The following PRDM6 variants were observed in gnomAD, a reference collection of about 807,000 sequenced individuals.
PRDM6 encodes the protein putative histone-lysine N-methyltransferase PRDM6.
A neutral mutation model predicts 60.8 loss-of-function variants in PRDM6; 25 were observed. The observed-to-expected ratio is 0.41, with a 90% CI of 0.30 to 0.57. The LOEUF (loss-of-function observed/expected upper bound fraction) is 0.57. PRDM6 is among the 20% of genes least tolerant of loss of function. The pLI is 0.27. For synonymous variants in PRDM6, 407 were observed against 357.4 expected (o/e 1.14, Z -1.57); for missense variants, 839 against 821.3 (o/e 1.02, Z -0.26).
At position 123,090,291 on chromosome 5, in the gene PRDM6, G is replaced by GCCTCCTCCA; in HGVS notation, c.285_286insACCTCCTCC (p.Ser95_Cys96insThrSerSer). 6.7e-7 allele frequency: 1 copy of GCCTCCTCCA among 1,489,660 alleles called. No homozygotes were observed. The highest frequency in any genetic ancestry group is 8.9e-7 in the Non-Finnish European group (1 of 1,121,420). The allele number at this position is 1,489,660 out of a possible 1,614,324, so 92.3% of individuals were successfully genotyped here. On this transcript the variant is annotated inframe_insertion, in exon 2 of 8. Transcript: ENST00000407847. ...TTCCTCTTCCACCTCCGCCTCCTCC[G>GCCTCCTCCA]CCTCCTCCTGCGCTGCTGCGGCCGC...
At chr5:123,147,108 G>T (rs554829887) in intron 3 of PRDM6, among the ~76,000 whole-genome samples, 1 of 151,886 alleles carries the variant, frequency 6.6e-6, no homozygotes, top group Non-Finnish European at 1.5e-5. Flanking sequence ...ATAAGTTTTC[G>T]CAGGATCCAA....
At chr5:123,159,768 A>G (rs1256123166) in intron 5 of PRDM6, 130 bp downstream of exon 5, 1 of 904,788 alleles carries the variant, frequency 1.1e-6, no homozygotes, top group Non-Finnish European at 1.7e-6. Flanking sequence ...ATACAAGTCT[A>G]TTCCATCGTT....
chr5:123,143,076 G>T (rs1580513984), intron 3 of PRDM6, among the ~76,000 whole-genome samples: 1 of 151,706 alleles, frequency 6.6e-6, no homozygotes, highest in Non-Finnish European at 1.5e-5. Context: ...AGTCACGGAT[G>T]TTCTCATTTC....
chr5:123,095,356 C>T (rs1048580280), intron 2 of PRDM6, among the ~76,000 whole-genome samples: 17 of 152,258 alleles, frequency 1.1e-4, no homozygotes, highest in Non-Finnish European at 1.3e-4. Flanking sequence ...CCATCGCTCC[C>T]TTTCAGCCAT....
chr5:123,156,214 G>C (rs992890794), intron 4 of PRDM6, among the ~76,000 whole-genome samples: 2 of 151,938 alleles, frequency 1.3e-5, no homozygotes, highest in Non-Finnish European at 2.9e-5. Flanking sequence ...GATTAAAAGT[G>C]CTCGTAGATG....
chr5:123,097,033 G>GA (rs992394890), intron 2 of PRDM6, among the ~76,000 whole-genome samples: 9 of 151,012 alleles, frequency 6.0e-5, no homozygotes, highest in African/African-American at 1.7e-4. Flanking sequence ...GAGTCAAGCA[G>GA]AAAAAAAAAT....
In PRDM6 at chr5:123,099,011, G is replaced by C. The variant is rs1764029940; in HGVS notation, c.593-643G>C. On this transcript the variant is annotated intron_variant, in intron 2 of 7. Transcript: ENST00000407847. This position sits in a 1 kb window ranked among gnomAD's most constrained non-coding sequence, Gnocchi z 4.0. ...GGGAGGCAGTCGAGGAAGCCTCCGA[G>C]TCTCTGGGTCGAAGGAAGTGCGAAT... is the stretch of plus-strand genomic sequence containing the variant. 6.6e-6 allele frequency among the ~76,000 whole-genome samples: 1 copy of C among 151,100 alleles called. No individual in the cohort carries two copies. The highest frequency in any genetic ancestry group is 2.4e-5 in the African/African-American group (1 of 40,978).
chr5:123,164,820 G>A (rs946428038), intron 5 of PRDM6, among the ~76,000 whole-genome samples: 12 of 152,032 alleles, frequency 7.9e-5, no homozygotes, highest in African/African-American at 2.7e-4. Context: ...CTGACATCTC[G>A]GATGAGTTGT....
intron 5 of PRDM6, among the ~76,000 whole-genome samples, chr5:123,159,953 C>A (rs867317883): frequency 2.6e-5 from 4 of 152,166 alleles, no homozygotes; most frequent in South Asian, 2.1e-4. Context: ...ATGCTTGCCA[C>A]CTTAGGGATT....
At chr5:123,089,934 G>A (rs535081962) in intron 1 of PRDM6, 66 bp from the exon 2 acceptor site, 11 of 1,231,054 alleles carry the variant, frequency 8.9e-6, no homozygotes, top group Admixed American at 2.2e-5. Context: ...CAGGGTCCCA[G>A]TGGCCCTCTT....
intron 7 of PRDM6, among the ~76,000 whole-genome samples, chr5:123,180,993 A>G (rs1207790780): frequency 6.6e-6 from 1 of 152,252 alleles, no homozygotes; most frequent in Non-Finnish European, 1.5e-5. Flanking sequence ...AGATAATGGC[A>G]TCTGAGCAAG....
intron 3 of PRDM6, among the ~76,000 whole-genome samples, chr5:123,104,328 C>T (rs10067070): frequency 0.1 from 15,793 of 151,916 alleles, 1,118 homozygotes; most frequent in Admixed American, 0.16. Flanking sequence ...CTATAAATGA[C>T]TCAATTTCAT....
chr5:123,144,508 C>T (rs921071335), intron 3 of PRDM6, among the ~76,000 whole-genome samples: 8 of 151,938 alleles, frequency 5.3e-5, no homozygotes, highest in Admixed American at 1.3e-4. Context: ...AGCACTGAGG[C>T]ATGAATGGGG....
intron 3 of PRDM6, among the ~76,000 whole-genome samples, chr5:123,143,580 C>T (rs1002598587): frequency 2.0e-5 from 3 of 152,214 alleles, no homozygotes; most frequent in East Asian, 1.9e-4. Context: ...AACCTTACGA[C>T]GCAAATGCCC....
rs990722985 is a variant in PRDM6 at position 123,179,912 on chromosome 5, A to G, written c.1497-235A>G. On this transcript the variant is annotated intron_variant, in intron 6 of 7. Coordinates refer to ENST00000407847, the MANE Select transcript of PRDM6 (RefSeq NM_001136239.4). ...AGAAAGTAGGGGTTTCCAAAATGGTATGATTAGTACTGGAAAGGGGTATTC... is the reference window on the plus strand; with the variant it reads ...AGAAAGTAGGGGTTTCCAAAATGGTGTGATTAGTACTGGAAAGGGGTATTC... Among the ~76,000 whole-genome samples the G allele has an allele frequency of 3.3e-5, 5 of 152,312 alleles. No individual in the cohort carries two copies. The East Asian group carries it at 5.8e-4, about 18-fold the overall frequency.
intron 7 of PRDM6, among the ~76,000 whole-genome samples, chr5:123,185,938 C>T (rs995811882): frequency 3.9e-5 from 6 of 152,296 alleles, no homozygotes; most frequent in African/African-American, 1.4e-4. Context: ...TTTCATAGTG[C>T]AGGGGCTCAC....
At chr5:123,127,263 CTT>C (rs768314705) in intron 3 of PRDM6, among the ~76,000 whole-genome samples, 4 of 152,206 alleles carry the variant, frequency 2.6e-5, no homozygotes, top group African/African-American at 4.8e-5. Flanking sequence ...GTGTCGAACT[CTT>C]GACCTCAGGT....
At chr5:123,131,815 G>A (rs555384215) in intron 3 of PRDM6, among the ~76,000 whole-genome samples, 2 of 152,266 alleles carry the variant, frequency 1.3e-5, no homozygotes, top group Admixed American at 6.5e-5. Flanking sequence ...TATTGATATT[G>A]AATGCTTATT....
intron 3 of PRDM6, among the ~76,000 whole-genome samples, chr5:123,117,431 A>G (rs1296471161): frequency 6.6e-6 from 1 of 152,164 alleles, no homozygotes; most frequent in Non-Finnish European, 1.5e-5. Context: ...CCTCTGGCCA[A>G]GGCAGTGGCT....
Sources: allele counts gnomAD v4.1 joint callset (sites outside exome capture counted in the v4.1 genomes callset), GRCh38; gene constraint gnomAD v4.1.1; non-coding constraint Gnocchi (gnomAD v3.1); transcripts MANE v1.5; gene names NCBI Gene and HGNC (gene_info 2026-07-23, HGNC 2026-07-21).